The following C9orf152 variants were observed in gnomAD, a reference collection of about 807,000 sequenced individuals.
The protein encoded by C9orf152 is uncharacterized protein C9orf152.
A neutral mutation model predicts 8.5 loss-of-function variants in C9orf152; 8 were observed. That is an observed-to-expected ratio of 0.94 (90% CI 0.55 to 1.70). The LOEUF (loss-of-function observed/expected upper bound fraction) is 1.70. C9orf152 is among the 40% of genes most tolerant of loss of function. The pLI, the probability that C9orf152 is intolerant of heterozygous loss-of-function variation, is 0.00. For synonymous variants in C9orf152, 109 were observed against 113.0 expected, an observed-to-expected ratio of 0.96 and a Z score of 0.22; for missense variants, 293 against 286.2, an observed-to-expected ratio of 1.02 and a Z score of -0.17.
intron 1 of C9orf152, among the ~76,000 whole-genome samples, chr9:110,205,982 G>A (rs1472701329): frequency 2.6e-5 from 4 of 152,016 alleles, no homozygotes; most frequent in South Asian, 2.1e-4. Flanking sequence ...GCCTGAACCC[G>A]GGAGGCAGAG....
chr9:110,206,036 G>A (rs1333989963), intron 1 of C9orf152, among the ~76,000 whole-genome samples: 6 of 148,250 alleles, frequency 4.0e-5, no homozygotes, highest in Non-Finnish European at 5.9e-5. Context: ...TCCAGCCTGG[G>A]CAACAGAGTG....
chr9:110,207,255 C>G, intron 1 of C9orf152, 132 bp downstream of exon 1: 2 of 1,037,620 alleles, frequency 1.9e-6, no homozygotes. Context: ...CAGAGCTGCC[C>G]TGAGCCCGCC....
At position 110,201,296 on chromosome 9, in the gene C9orf152, A is replaced by T. The variant is rs1837217378; in HGVS notation, c.372T>A (p.His124Gln). 1.2e-6 allele frequency: 2 copies of T among 1,613,884 alleles called. No individual in the cohort carries two copies. The highest frequency in any genetic ancestry group is 2.2e-5 in the South Asian group (2 of 91,070). ...KSPWHTHLEM[H>Q]CLVQTSPQDT... Reference sequence around the variant, plus strand: ...CCTGGGGGGAGGTTTGGACCAAACAATGCATCTCCAGGTGCGTGTGCCATG... The same window carrying T: ...CCTGGGGGGAGGTTTGGACCAAACATTGCATCTCCAGGTGCGTGTGCCATG... Residue 124 changes from histidine to glutamine, a missense_variant, in exon 2 of 2, where the codon CAT becomes CAA. Physicochemically the swap from His to Gln is conservative, Grantham distance 24. Coordinates refer to ENST00000400613, the MANE Select transcript of C9orf152 (RefSeq NM_001012993.3).
chr9:110,204,912 A>G (rs924032783), intron 1 of C9orf152, among the ~76,000 whole-genome samples: 1 of 152,170 alleles, frequency 6.6e-6, no homozygotes, highest in Non-Finnish European at 1.5e-5. Flanking sequence ...TAATGTCCTC[A>G]AGTTTTATCC....
Position 110,201,342 on chromosome 9 carries a change from C to T in C9orf152, c.326G>A (p.Cys109Tyr). 6.2e-7 allele frequency: 1 copy of T among 1,609,426 alleles called. No homozygotes were observed. The highest frequency in any genetic ancestry group is 1.1e-5 in the South Asian group (1 of 90,236). Residue 109 changes from cysteine to tyrosine, a missense_variant, in exon 2 of 2, where the codon TGC becomes TAC. Coordinates refer to ENST00000400613, the MANE Select transcript of C9orf152 (RefSeq NM_001012993.3). ...EGRLEEAAQG[C>Y]LQAPKSPWHT... The stretch of plus-strand genomic sequence containing the variant: ...CCATGGAGACTTGGGGGCCTGAAGG[C>T]AGCCCTGGGCAGCCTCCTCCAGCCT...
chr9:110,204,357 G>C (rs551470218), intron 1 of C9orf152, among the ~76,000 whole-genome samples: 22 of 152,330 alleles, frequency 1.4e-4, no homozygotes, highest in African/African-American at 5.3e-4. Context: ...CTAAGACAGG[G>C]TGAAGAAAGC....
chr9:110,201,514 G>T, intron 1 of C9orf152, 40 bp from the exon 2 acceptor site: 1 of 1,486,932 alleles, frequency 6.7e-7, no homozygotes. Flanking sequence ...CACTGGAAGG[G>T]ACAGGGGCGG....
In C9orf152 at chr9:110,199,877, G is replaced by C. The variant is rs1837190398; in HGVS notation, c.*1071C>G. On this transcript the variant is annotated 3_prime_UTR_variant, in exon 2 of 2. Transcript: ENST00000400613. ...GCTAAACATTAACCAGGAAATACAA[G>C]CTTTTTTCCCTATCACCCAAGTGAC... is the stretch of plus-strand genomic sequence containing the variant. 1 of 152,122 alleles carries C rather than the reference G, an allele frequency of 6.6e-6. No homozygotes were observed. Among genetic ancestry groups the C allele is most frequent in the African/African-American group, 2.4e-5 (1 of 41,422 alleles). 9.4% of individuals were successfully genotyped at this position (152,122 alleles called of 1,614,324 possible). A position where few individuals can be genotyped will look rare whatever the true frequency, so the allele number is the denominator to read the frequency against.
intron 1 of C9orf152, among the ~76,000 whole-genome samples, chr9:110,205,486 T>C (rs1837263839): frequency 6.6e-6 from 1 of 152,224 alleles, no homozygotes; most frequent in South Asian, 2.1e-4. Flanking sequence ...CTTAGATACA[T>C]GTGACATACG....
chr9:110,204,832 C>T (rs1837257242), intron 1 of C9orf152, among the ~76,000 whole-genome samples: 1 of 152,172 alleles, frequency 6.6e-6, no homozygotes, highest in Admixed American at 6.5e-5. Flanking sequence ...AATATGACTA[C>T]TCTACATACC....
In C9orf152 at chr9:110,207,728, A is replaced by G; in HGVS notation, c.-149T>C. ...GACTGAGGAAGGAGATAGAAAAATAAGGGGGAAGGAGAAAGATGAAGGGGA... is the reference window on the plus strand; with the variant it reads ...GACTGAGGAAGGAGATAGAAAAATAGGGGGGAAGGAGAAAGATGAAGGGGA... On this transcript the variant is annotated 5_prime_UTR_variant, in exon 1 of 2. Coordinates refer to ENST00000400613, the MANE Select transcript of C9orf152 (RefSeq NM_001012993.3). The G allele has an allele frequency of 1.8e-6, 1 of 558,790 alleles. No homozygotes were observed. The highest frequency in any genetic ancestry group is 3.0e-6 in the Non-Finnish European group (1 of 328,604). The allele number at this position is 558,790 out of a possible 1,614,324, so 34.6% of individuals were successfully genotyped here.
At chr9:110,201,513 G>C in intron 1 of C9orf152, 39 bp from the exon 2 acceptor site, 1 of 1,485,912 alleles carries the variant, frequency 6.7e-7, no homozygotes, top group Non-Finnish European at 8.9e-7. Context: ...TCACTGGAAG[G>C]GACAGGGGCG....
At chr9:110,205,249 A>ATC (rs1297898785) in intron 1 of C9orf152, among the ~76,000 whole-genome samples, 3 of 152,134 alleles carry the variant, frequency 2.0e-5, no homozygotes, top group Admixed American at 6.5e-5. Context: ...AAACAAGTTC[A>ATC]TCTCTCTCTA....
intron 1 of C9orf152, among the ~76,000 whole-genome samples, chr9:110,204,385 C>G (rs1241728894): frequency 1.3e-5 from 2 of 152,168 alleles, no homozygotes; most frequent in East Asian, 3.9e-4. Flanking sequence ...GGAGCCCTTC[C>G]TTTCATTGAT....
At position 110,201,015 on chromosome 9, in the gene C9orf152, A is replaced by G; in HGVS notation, c.653T>C (p.Phe218Ser). 1 of 1,614,196 alleles carries G rather than the reference A, an allele frequency of 6.2e-7. No homozygotes were observed. Residue 218 changes from phenylalanine (F) to serine (S), a missense_variant, in exon 2 of 2, where the codon TTT becomes TCT. Phe to Ser is a radical substitution (Grantham distance 155). Coordinates refer to ENST00000400613, the MANE Select transcript of C9orf152 (RefSeq NM_001012993.3). ...HRSGKPAYYPFPQRKTPRISQ... is the reference protein window; with the variant it reads ...HRSGKPAYYPSPQRKTPRISQ... ...GATCCTGGGTGTTTTCCTCTGGGGA[A>G]ATGGATAGTAAGCTGGTTTGCCAGA...
chr9:110,205,664 A>G (rs1188969367), intron 1 of C9orf152, among the ~76,000 whole-genome samples: 1 of 152,236 alleles, frequency 6.6e-6, no homozygotes, highest in African/African-American at 2.4e-5. Flanking sequence ...AAAGCTGCAT[A>G]TTAAGTAAAT....
Position 110,201,273 on chromosome 9 carries a change from T to TG in C9orf152, c.394dup (p.Gln132ProfsTer10), listed in dbSNP as rs745826686. On this transcript the variant is annotated frameshift_variant, in exon 2 of 2. Coordinates refer to ENST00000400613, the MANE Select transcript of C9orf152 (RefSeq NM_001012993.3). LOFTEE classifies it low-confidence loss of function (END_TRUNC). ...ATGATGTACTTGATGACTGGTGTCC[T>TG]GGGGGGAGGTTTGGACCAAACAATG... The TG allele has an allele frequency of 3.1e-6, 5 of 1,613,930 alleles. No individual in the cohort carries two copies. The East Asian group carries it at 8.9e-5, about 29-fold the overall frequency.
rs143620337 is a variant in C9orf152, at chr9:110,204,272, G to A, written c.194-2798C>T. 3.1e-4 allele frequency among the ~76,000 whole-genome samples: 47 copies of A among 152,276 alleles called. No homozygotes were observed. The East Asian group carries it at 8.9e-3, about 29-fold the overall frequency. On this transcript the variant is annotated intron_variant, in intron 1 of 1. Transcript: ENST00000400613. ...CTGAAAGTAGCTCAAGGTCCCCTGGGTACTTACGTTGCATCAGGGAAGGCA... is the reference window on the plus strand; with the variant it reads ...CTGAAAGTAGCTCAAGGTCCCCTGGATACTTACGTTGCATCAGGGAAGGCA...
rs1837199200 is a variant in C9orf152 at position 110,200,294 on chromosome 9, G to A, written c.*654C>T. 6.6e-6 allele frequency: 1 copy of A among 152,422 alleles called. No individual in the cohort carries two copies. The highest frequency in any genetic ancestry group is 2.1e-4 in the South Asian group (1 of 4,830). The allele number at this position is 152,422 out of a possible 1,614,324, so 9.4% of individuals were successfully genotyped here. On this transcript the variant is annotated 3_prime_UTR_variant, in exon 2 of 2. Transcript: ENST00000400613. The stretch of plus-strand genomic sequence containing the variant: ...TGGAATGTACATGTCTCAGTGAGCA[G>A]TGACAGATGATTAGCCCTTTCTAAA...
Sources: gnomAD v4.1 joint callset for allele counts (sites outside exome capture counted in the v4.1 genomes callset) on GRCh38, gnomAD v4.1.1 for gene constraint, MANE v1.5 for transcripts, NCBI Gene and HGNC (gene_info 2026-07-23, HGNC 2026-07-21) for gene names.